The following LAMA5 variants were observed in gnomAD, a reference collection of about 807,000 sequenced individuals.
LAMA5 encodes laminin subunit alpha-5.
Under a neutral mutation model 433.4 loss-of-function variants are expected in LAMA5, and 260 were observed. The observed-to-expected ratio is 0.60, with a 90% CI of 0.54 to 0.66. The LOEUF (loss-of-function observed/expected upper bound fraction) is 0.66. LAMA5 is among the 30% of genes least tolerant of loss of function. LAMA5 has a pLI of 0.00. For missense variants in LAMA5, 5,378 were observed against 5,258.5 expected, an observed-to-expected ratio of 1.02 and a Z score of -0.70; for synonymous variants, 2,620 against 2,226.6, an observed-to-expected ratio of 1.18 and a Z score of -4.97.
Position 62,328,576 on chromosome 20 carries a change from G to A in LAMA5, c.4448-131C>T, listed in dbSNP as rs948906331. The A allele has an allele frequency of 5.6e-5, 56 of 996,446 alleles. No homozygotes were observed. The African/African-American group carries it at 7.5e-4, about 13-fold the overall frequency. The allele number at this position is 996,446 out of a possible 1,614,324, so 61.7% of individuals were successfully genotyped here. A position where few individuals can be genotyped will look rare whatever the true frequency, so the allele number is the denominator to read the frequency against. On this transcript the variant is annotated intron_variant, in intron 34 of 79. Transcript: ENST00000252999. ...AGACAAGAACAGGGACCCCTGCCCC[G>A]GGTGCTGAGCCTTGGACAGCTCCTG... is the stretch of plus-strand genomic sequence containing the variant.
At position 62,359,390 on chromosome 20, in the gene LAMA5, G is replaced by C. The variant is rs1484599753; in HGVS notation, c.450+3010C>G. 6.6e-6 allele frequency among the ~76,000 whole-genome samples: 1 copy of C among 152,146 alleles called. No individual in the cohort carries two copies. Among genetic ancestry groups the C allele is most frequent in the East Asian group, 1.9e-4 (1 of 5,186 alleles). Reference sequence around the variant, plus strand: ...AGTGGGGCAAGGGCCTGGACCCTGCGGCAGAGCCAGGGGGTGGGGGAGCTC... The same window carrying C: ...AGTGGGGCAAGGGCCTGGACCCTGCCGCAGAGCCAGGGGGTGGGGGAGCTC... On this transcript the variant is annotated intron_variant, in intron 2 of 79. Transcript: ENST00000252999. The surrounding 1 kb of genome is among the most constrained non-coding windows in gnomAD (Gnocchi z 4.3).
At position 62,319,711 on chromosome 20, in the gene LAMA5, T is replaced by G; in HGVS notation, c.6844A>C (p.Ile2282Leu). The G allele has an allele frequency of 6.5e-7, 1 of 1,546,168 alleles. No homozygotes were observed. The highest frequency in any genetic ancestry group is 8.7e-7 in the Non-Finnish European group (1 of 1,146,962). The change falls in exon 51 of 80, where the codon ATC (isoleucine) becomes CTC (leucine). Residue 2282 changes from isoleucine (I) to leucine (L), a missense_variant. Coordinates refer to ENST00000252999, the MANE Select transcript of LAMA5 (RefSeq NM_005560.6). ...CTCAGGGTGCGGTCCACAGCCCGGA[T>G]GGCCGCCAACAGCGTCTTCGCATGG... ...LGHAKTLLAA[I>L]RAVDRTLSEL...
rs1360023057 is a variant in LAMA5, at chr20:62,367,115, C to T, written c.131G>A (p.Ser44Asn). 1 of 1,277,500 alleles carries T rather than the reference C, an allele frequency of 7.8e-7. No individual in the cohort carries two copies. The highest frequency in any genetic ancestry group is 9.9e-7 in the Non-Finnish European group (1 of 1,015,102). The allele number at this position is 1,277,500 out of a possible 1,614,324, so 79.1% of individuals were successfully genotyped here. ...RAREEAGGGFSLHPPYFNLAE... is the reference protein window; with the variant it reads ...RAREEAGGGFNLHPPYFNLAE... Reference sequence around the variant, plus strand: ...CAGGTTGAAGTAGGGCGGGTGCAGGCTGAAGCCGCCGCCCGCCTCCTCCCG... The same window carrying T: ...CAGGTTGAAGTAGGGCGGGTGCAGGTTGAAGCCGCCGCCCGCCTCCTCCCG... Residue 44 changes from serine (S) to asparagine (N), a missense_variant, in exon 1 of 80, where the codon AGC (serine) becomes AAC (asparagine). Coordinates refer to ENST00000252999, the MANE Select transcript of LAMA5 (RefSeq NM_005560.6).
At chr20:62,328,711 C>T (rs1358085334) in intron 34 of LAMA5, 133 bp downstream of exon 34, 11 of 943,660 alleles carry the variant, frequency 1.2e-5, no homozygotes, top group Admixed American at 2.9e-5. Flanking sequence ...GGCCCAGGCC[C>T]GCAGATGGGG....
chr20:62,311,702 C>A lies in LAMA5; in HGVS notation c.9718G>T (p.Gly3240Trp). The stretch of plus-strand genomic sequence containing the variant: ...CCTCCCAGGAGGAGCCTCGGGGGCC[C>A]CTCAGGCTGCGGCTGGAGCTCGGGG... Reference protein sequence around the residue: ...PPPELQPQPEGPPRLLLGGLP... With the variant: ...PPPELQPQPEWPPRLLLGGLP... The change falls in exon 71 of 80, where the codon GGG becomes TGG. Residue 3240 changes from glycine to tryptophan, a missense_variant. Physicochemically the swap from Gly to Trp is radical, Grantham distance 184 (BLOSUM62 -2). Coordinates refer to ENST00000252999, the MANE Select transcript of LAMA5 (RefSeq NM_005560.6). The A allele has an allele frequency of 6.4e-7, 1 of 1,573,126 alleles. No homozygotes were observed.
rs200686173 is a variant in LAMA5, at chr20:62,322,753, C to T, written c.6070G>A (p.Asp2024Asn). 5.3e-5 allele frequency: 80 copies of T among 1,501,092 alleles called. No individual in the cohort carries two copies. In the African/African-American group the frequency reaches 6.5e-4, roughly 12 times the overall value. 93.0% of individuals were successfully genotyped at this position (1,501,092 alleles called of 1,614,324 possible). The change falls in exon 46 of 80, where the codon GAC becomes AAC. Residue 2024 changes from aspartate to asparagine, a missense_variant. Asp to Asn is a conservative substitution (Grantham distance 23). Transcript: ENST00000252999. ...ALLPGNCTRC[D>N]CTPCGTEACD... Reference sequence around the variant, plus strand: ...GCCTCTGTCCCACATGGGGTACAGTCGCACCCTGCAGAAGGGGTCCGTGAC... The same window carrying T: ...GCCTCTGTCCCACATGGGGTACAGTTGCACCCTGCAGAAGGGGTCCGTGAC...
intron 2 of LAMA5, among the ~76,000 whole-genome samples, chr20:62,358,522 C>G (rs1985576499): frequency 6.6e-6 from 1 of 152,208 alleles, no homozygotes; most frequent in Non-Finnish European, 1.5e-5. Context: ...GCCAGTGGCA[C>G]CCTGGACCAG....
At position 62,328,327 on chromosome 20, in the gene LAMA5, CA is replaced by C; in HGVS notation, c.4565del (p.Leu1522ArgfsTer35). On this transcript the variant is annotated frameshift_variant, in exon 35 of 80. Transcript: ENST00000252999. LOFTEE classifies it high-confidence loss of function. ...AGCAGTTACACTCCTCACAGCCGAC[CA>C]GGGGGTGGCAGCCAAAGGTCTGGGG... ...CQPQTFGCHP[L>X]VGCEECNCSG... 2 of 1,602,784 alleles carry C rather than the reference CA, an allele frequency of 1.2e-6. No individual in the cohort carries two copies. Among genetic ancestry groups the C allele is most frequent in the Non-Finnish European group, 1.7e-6 (2 of 1,175,384 alleles).
intron 25 of LAMA5, 61 bp from the exon 26 acceptor site, chr20:62,333,304 G>C (rs1464063367): frequency 1.9e-6 from 3 of 1,597,766 alleles, no homozygotes; most frequent in East Asian, 4.5e-5. Context: ...GACAGCCTGA[G>C]TGGGGGAAGC....
At position 62,330,537 on chromosome 20, in the gene LAMA5, G is replaced by C. The variant is rs777262295; in HGVS notation, c.3930C>G (p.His1310Gln). 6.3e-7 allele frequency: 1 copy of C among 1,581,320 alleles called. No individual in the cohort carries two copies. The highest frequency in any genetic ancestry group is 2.3e-5 in the East Asian group (1 of 43,820). Residue 1310 changes from histidine to glutamine, a missense_variant, in exon 31 of 80, where the codon CAC becomes CAG. Physicochemically the swap from His to Gln is conservative, Grantham distance 24. Coordinates refer to ENST00000252999, the MANE Select transcript of LAMA5 (RefSeq NM_005560.6). ...AFLLHGYQPA[H>Q]PTFPVEVLIN... is the part of the protein sequence containing the mutation. ...TGAGGACTTCCACGGGGAAGGTGGG[G>C]TGGGCTGGCTGGTAGCCGTGCAGCA... is the stretch of plus-strand genomic sequence containing the variant.
At position 62,338,053 on chromosome 20, in the gene LAMA5, C is replaced by T; in HGVS notation, c.1854G>A (p.Arg618=). 1.9e-6 allele frequency: 3 copies of T among 1,604,534 alleles called. No homozygotes were observed. Among genetic ancestry groups the T allele is most frequent in the Middle Eastern group, 1.7e-4 (1 of 6,022 alleles). The change falls in exon 14 of 80, where the codon CGG becomes CGA. Residue 618 remains arginine, a synonymous_variant. Transcript: ENST00000252999. ...GGAAACCATGGTAGCCAGGGCGGCA[C>T]CGGTCACAATGAGGTCCAGCAAACT... ...QPEFAGPHCD[R]CRPGYHGFPN...
In LAMA5 at chr20:62,322,703, G is replaced by A; in HGVS notation, c.6120C>T (p.Cys2040=). 6.5e-7 allele frequency: 1 copy of A among 1,548,596 alleles called. No individual in the cohort carries two copies. ...TEACDPHSGH[C]LCKAGVTGRR... is the part of the protein sequence containing the mutation. ...GCCCAGTCACGCCCGCCTTGCACAGGCAGTGCCCGCTGTGGGGGTCGCAGG... is the reference window on the plus strand; with the variant it reads ...GCCCAGTCACGCCCGCCTTGCACAGACAGTGCCCGCTGTGGGGGTCGCAGG... The change falls in exon 46 of 80, where the codon TGC becomes TGT. Residue 2040 remains cysteine, a synonymous_variant. Transcript: ENST00000252999.
At chr20:62,332,522 G>A (rs373372731) in intron 27 of LAMA5, 35 bp downstream of exon 27, 11 of 1,607,450 alleles carry the variant, frequency 6.8e-6, no homozygotes, top group South Asian at 2.2e-5. Flanking sequence ...AGCCCCGGGC[G>A]TGCCCTTACT....
intron 2 of LAMA5, among the ~76,000 whole-genome samples, chr20:62,360,712 C>T (rs1237253423): frequency 2.8e-5 from 4 of 142,414 alleles, no homozygotes; most frequent in African/African-American, 1.0e-4. Flanking sequence ...GAAAGGGTTC[C>T]TCTTCCCTCC....
In LAMA5 at chr20:62,326,917, T is replaced by C; in HGVS notation, c.5162A>G (p.Gln1721Arg). ...TLRYELHSET[Q>R]RGDVFVPMES... is the part of the protein sequence containing the mutation. The stretch of plus-strand genomic sequence containing the variant: ...CATGGGGACAAAGACATCTCCCCGC[T>C]GGGTCTCTGAGTGCAGTTCATAACG... Residue 1721 changes from glutamine (Q) to arginine (R), a missense_variant, in exon 39 of 80, where the codon CAG becomes CGG. Coordinates refer to ENST00000252999, the MANE Select transcript of LAMA5 (RefSeq NM_005560.6). The C allele has an allele frequency of 6.2e-7, 1 of 1,612,354 alleles. No individual in the cohort carries two copies. The highest frequency in any genetic ancestry group is 8.5e-7 in the Non-Finnish European group (1 of 1,179,496).
rs2146233838 is a variant in LAMA5 at position 62,337,710 on chromosome 20, C to CA, written c.2043dup (p.Glu682Ter). On this transcript the variant is annotated frameshift_variant, in exon 16 of 80. Transcript: ENST00000252999. LOFTEE classifies it high-confidence loss of function. ...TCACAGGCTGCGTGCAGGGAGCCTT[C>CA]AGCAGAGCAGTGGCAGGCTGCAGAC... is the stretch of plus-strand genomic sequence containing the variant. 1 of 1,610,142 alleles carries CA rather than the reference C, an allele frequency of 6.2e-7. No individual in the cohort carries two copies. Among genetic ancestry groups the CA allele is most frequent in the East Asian group, 2.2e-5 (1 of 44,848 alleles).
At position 62,317,042 on chromosome 20, in the gene LAMA5, T is replaced by C; in HGVS notation, c.7512-19A>G. 1 of 1,513,762 alleles carries C rather than the reference T, an allele frequency of 6.6e-7. No individual in the cohort carries two copies. 93.8% of individuals were successfully genotyped at this position (1,513,762 alleles called of 1,614,324 possible). A position where few individuals can be genotyped will look rare whatever the true frequency, so the allele number is the denominator to read the frequency against. The stretch of plus-strand genomic sequence containing the variant: ...GATGATGCTGCAGCGGAAGGGAGGG[T>C]CGAAGGAGTGGGTAAGCGCAGACGC... On this transcript the variant is annotated intron_variant, in intron 55 of 79. Coordinates refer to ENST00000252999, the MANE Select transcript of LAMA5 (RefSeq NM_005560.6).
chr20:62,340,645 A>G (rs1018600849), intron 11 of LAMA5, among the ~76,000 whole-genome samples: 1 of 152,236 alleles, frequency 6.6e-6, no homozygotes, highest in Non-Finnish European at 1.5e-5. Context: ...TCGGTACTCC[A>G]TAGAGAACAC....
intron 2 of LAMA5, among the ~76,000 whole-genome samples, chr20:62,361,984 A>T (rs1296046685): frequency 6.6e-6 from 1 of 150,516 alleles, no homozygotes; most frequent in Admixed American, 6.6e-5. Context: ...AGGAATGTCC[A>T]CTTGCGCCAG....
Sources: allele counts gnomAD v4.1 joint callset (sites outside exome capture counted in the v4.1 genomes callset), GRCh38; gene constraint gnomAD v4.1.1; non-coding constraint Gnocchi (gnomAD v3.1); transcripts MANE v1.5; gene names NCBI Gene and HGNC (gene_info 2026-07-23, HGNC 2026-07-21).